The following PDS5A variants were observed in gnomAD, a reference collection of about 807,000 sequenced individuals.
PDS5A encodes the protein sister chromatid cohesion protein PDS5 homolog A.
A neutral mutation model predicts 167.1 loss-of-function variants in PDS5A; 42 were observed. The ratio of observed to expected loss-of-function variants is 0.25; its 90% CI spans 0.20 to 0.33. PDS5A has a LOEUF of 0.33. PDS5A is among the 10% of genes least tolerant of loss of function. The pLI is 1.00. For synonymous variants in PDS5A, 553 were observed against 554.6 expected, an observed-to-expected ratio of 1.00 and a Z score of 0.04; for missense variants, 1,033 against 1,605.9, an observed-to-expected ratio of 0.64 and a Z score of 6.10.
At chr4:39,868,545 T>C (rs1460855460) in intron 22 of PDS5A, 1 of 417,830 alleles carries the variant, frequency 2.4e-6, no homozygotes. Context: ...TCCAGACTGG[T>C]CTTGAACTCC....
At chr4:39,923,177 A>T (rs2253236) in intron 5 of PDS5A, among the ~76,000 whole-genome samples, 11,051 of 151,788 alleles carry the variant, frequency 0.073, 454 homozygotes, top group Middle Eastern at 0.14. Context: ...AAAATACAAA[A>T]ATTAGTGAAG....
chr4:39,930,246 A>AAAAAAAAAAAAAAATTTTTTTTTTT, intron 2 of PDS5A, among the ~76,000 whole-genome samples: 2 of 93,090 alleles, frequency 2.1e-5, no homozygotes, highest in Admixed American at 1.1e-4. Flanking sequence ...AAAAAAAAAA[A>AAAAAAAAAAAAAAATTTTTTTTTTT]GTTTTTTTGT....
At chr4:39,908,761 C>A in intron 10 of PDS5A, 1 of 505,456 alleles carries the variant, frequency 2.0e-6, no homozygotes, top group Non-Finnish European at 3.5e-6. Context: ...TGATGGCCCA[C>A]AACTGTAATA....
At chr4:39,827,705 T>C (rs1350868471) in intron 32 of PDS5A, among the ~76,000 whole-genome samples, 1 of 152,152 alleles carries the variant, frequency 6.6e-6, no homozygotes, top group African/African-American at 2.4e-5. Context: ...CTAAGATCCT[T>C]GAACACTCCC....
chr4:39,836,848 A>G (rs305128), intron 32 of PDS5A, among the ~76,000 whole-genome samples: 61,519 of 137,806 alleles, frequency 0.45, 14,240 homozygotes, highest in East Asian at 0.67. Flanking sequence ...TCCTTCTGTC[A>G]CCCAGGCTGG....
At chr4:39,953,854 T>C (rs189896616) in intron 2 of PDS5A, among the ~76,000 whole-genome samples, 1 of 152,298 alleles carries the variant, frequency 6.6e-6, no homozygotes, top group African/African-American at 2.4e-5. Context: ...ATTTCTGCAT[T>C]TGTCCTATTG....
At chr4:39,916,050 T>C (rs751487060) in intron 8 of PDS5A, among the ~76,000 whole-genome samples, 3 of 151,956 alleles carry the variant, frequency 2.0e-5, no homozygotes, top group Admixed American at 6.6e-5. Context: ...CTGGGCAACA[T>C]AGTGAGAACC....
At chr4:39,874,690 A>G (rs1461938593) in intron 19 of PDS5A, among the ~76,000 whole-genome samples, 2 of 152,170 alleles carry the variant, frequency 1.3e-5, no homozygotes, top group Non-Finnish European at 2.9e-5. Context: ...TTAATTCATA[A>G]TCTAAAGCTT....
At position 39,943,168 on chromosome 4, in the gene PDS5A, A is replaced by G. The variant is rs950918185; in HGVS notation, c.139-15004T>C. 2.1e-5 allele frequency among the ~76,000 whole-genome samples: 3 copies of G among 141,810 alleles called. No individual in the cohort carries two copies. The East Asian group carries it at 6.1e-4, about 29-fold the overall frequency. 93.0% of individuals were successfully genotyped at this position (141,810 alleles called of 152,430 possible). A position where few individuals can be genotyped will look rare whatever the true frequency, so the allele number is the denominator to read the frequency against. On this transcript the variant is annotated intron_variant, in intron 2 of 32. Transcript: ENST00000303538. The stretch of plus-strand genomic sequence containing the variant: ...CACACACACACACACACACACACAC[A>G]CGCACGCACACATATATACATATAT...
At chr4:39,848,639 T>C (rs1717853224) in intron 28 of PDS5A, 3 of 477,458 alleles carry the variant, frequency 6.3e-6, no homozygotes, top group Middle Eastern at 5.7e-4. Flanking sequence ...TAGAAATTCC[T>C]AGAATAAACA....
intron 2 of PDS5A, among the ~76,000 whole-genome samples, chr4:39,931,534 G>A (rs368045010): frequency 2.0e-5 from 3 of 152,064 alleles, no homozygotes; most frequent in Non-Finnish European, 4.4e-5. Flanking sequence ...TCATTCTTAC[G>A]GTTCTAAGTT....
chr4:39,836,601 C>T lies in PDS5A; in HGVS notation c.4010+1255G>A, dbSNP rs372079605. Among the ~76,000 whole-genome samples the T allele has an allele frequency of 7.1e-5, 10 of 141,648 alleles. No individual in the cohort carries two copies. In the East Asian group the frequency reaches 1.9e-3, roughly 26 times the overall value. The allele number at this position is 141,648 out of a possible 152,430, so 92.9% of individuals were successfully genotyped here. A position where few individuals can be genotyped will look rare whatever the true frequency, so the allele number is the denominator to read the frequency against. Reference sequence around the variant, plus strand: ...AGGTGCCCATGCCCACGACCACACCCGGGATTTTTTTCTATTTTTTTTTTT... The same window carrying T: ...AGGTGCCCATGCCCACGACCACACCTGGGATTTTTTTCTATTTTTTTTTTT... On this transcript the variant is annotated intron_variant, in intron 32 of 32. Coordinates refer to ENST00000303538, the MANE Select transcript of PDS5A (RefSeq NM_001100399.2).
intron 2 of PDS5A, among the ~76,000 whole-genome samples, chr4:39,942,176 C>A (rs1375840141): frequency 6.6e-6 from 1 of 151,998 alleles, no homozygotes; most frequent in African/African-American, 2.4e-5. Flanking sequence ...GCCTTTTCCA[C>A]GTCTATACTT....
At chr4:39,907,590 C>CTTTTTT (rs71194936) in intron 11 of PDS5A, among the ~76,000 whole-genome samples, 3 of 141,744 alleles carry the variant, frequency 2.1e-5, no homozygotes, top group African/African-American at 2.6e-5. Context: ...CTTTTCTTTT[C>CTTTTTT]TTTTTTTTTT....
intron 8 of PDS5A, among the ~76,000 whole-genome samples, chr4:39,914,982 A>G (rs1378424646): frequency 6.6e-6 from 1 of 152,232 alleles, no homozygotes. Flanking sequence ...ACACTTAACC[A>G]ATGTAAAAAT....
chr4:39,977,109 G>A lies in PDS5A; in HGVS notation c.-41+348C>T, dbSNP rs1029156662. ...GCCGGGAACAAAACGCCCTTGCCCA[G>A]CCGAGCCTCGGACCCGGGGTAGTCC... On this transcript the variant is annotated intron_variant, in intron 1 of 32. Coordinates refer to ENST00000303538, the MANE Select transcript of PDS5A (RefSeq NM_001100399.2). This position sits in a 1 kb window ranked among gnomAD's most constrained non-coding sequence, Gnocchi z 4.2. 2.0e-5 allele frequency among the ~76,000 whole-genome samples: 3 copies of A among 152,172 alleles called. No individual in the cohort carries two copies. The highest frequency in any genetic ancestry group is 1.3e-4 in the Admixed American group (2 of 15,286).
intron 11 of PDS5A, among the ~76,000 whole-genome samples, chr4:39,906,669 C>G (rs1723377809): frequency 6.6e-6 from 1 of 151,024 alleles, no homozygotes; most frequent in Non-Finnish European, 1.5e-5. Flanking sequence ...GTAGTACCAG[C>G]TATTCAGGAG....
chr4:39,900,982 T>C (rs1222392040), intron 13 of PDS5A, among the ~76,000 whole-genome samples: 1 of 152,338 alleles, frequency 6.6e-6, no homozygotes, highest in African/African-American at 2.4e-5. Flanking sequence ...AAAAATGAAG[T>C]ATCAAAAATG....
intron 2 of PDS5A, among the ~76,000 whole-genome samples, chr4:39,974,908 C>A (rs1578862520): frequency 6.6e-6 from 1 of 152,080 alleles, no homozygotes; most frequent in Non-Finnish European, 1.5e-5. Flanking sequence ...GTCAGGAGAT[C>A]GAGACCAAAG....
Sources: allele counts gnomAD v4.1 joint callset (sites outside exome capture counted in the v4.1 genomes callset), GRCh38; gene constraint gnomAD v4.1.1; non-coding constraint Gnocchi (gnomAD v3.1); transcripts MANE v1.5; gene names NCBI Gene and HGNC (gene_info 2026-07-23, HGNC 2026-07-21).